Variants in NRF1 observed in about 807,000 individuals in gnomAD.
The protein encoded by NRF1 is alpha palindromic-binding protein.
In NRF1, 5 loss-of-function variants were observed where a neutral mutation model predicts 58.5. The observed-to-expected ratio is 0.09, with a 90% CI of 0.04 to 0.18. The LOEUF is 0.18. Among genes scored for constraint, NRF1 ranks in the 10% least tolerant of loss-of-function variants. The probability of loss-of-function intolerance (pLI) is 1.00; values close to 1 mark genes in which losing one functional copy is unlikely to be tolerated. For missense variants in NRF1, 288 were observed against 657.7 expected (o/e 0.44, Z 6.15); for synonymous variants, 224 against 246.7 (o/e 0.91, Z 0.86).
chr7:129,623,724 G>T (rs1800855499), intron 1 of NRF1, among the ~76,000 whole-genome samples: 1 of 152,118 alleles, frequency 6.6e-6, no homozygotes, highest in South Asian at 2.1e-4. Context: ...ACTGCATTTA[G>T]TATCTAAACT....
chr7:129,727,689 C>T lies in NRF1; in HGVS notation c.1348+324C>T, dbSNP rs142229251. Among the ~76,000 whole-genome samples the T allele has an allele frequency of 5.4e-3, 825 of 152,304 alleles. 10 individuals carry two copies. Among genetic ancestry groups the T allele is most frequent in the African/African-American group, 0.019 (770 of 41,574 alleles). On this transcript the variant is annotated intron_variant, in intron 10 of 10. Coordinates refer to ENST00000393232, the MANE Select transcript of NRF1 (RefSeq NM_005011.5). ...CACATTTTGTCTTTTACTGTCTCATCGGATAGGGTAGATCAATGTCCTTTA... is the reference window on the plus strand; with the variant it reads ...CACATTTTGTCTTTTACTGTCTCATTGGATAGGGTAGATCAATGTCCTTTA...
chr7:129,641,264 G>A (rs1162685276), intron 1 of NRF1, among the ~76,000 whole-genome samples: 1 of 151,984 alleles, frequency 6.6e-6, no homozygotes, highest in Non-Finnish European at 1.5e-5. Context: ...GTCATTATTT[G>A]ATATTTATAT....
chr7:129,695,586 A>AC (rs972923982), intron 5 of NRF1, among the ~76,000 whole-genome samples: 4 of 150,722 alleles, frequency 2.7e-5, no homozygotes, highest in African/African-American at 4.9e-5. Flanking sequence ...AAAAAAAAAA[A>AC]AACAAAAAAA....
At chr7:129,649,535 A>G (rs1801487951) in intron 1 of NRF1, among the ~76,000 whole-genome samples, 1 of 152,174 alleles carries the variant, frequency 6.6e-6, no homozygotes, top group South Asian at 2.1e-4. Flanking sequence ...ATTAGACTAA[A>G]TTTAACTCCC....
At chr7:129,673,839 A>T (rs112845921) in intron 3 of NRF1, among the ~76,000 whole-genome samples, 94 of 151,474 alleles carry the variant, frequency 6.2e-4, no homozygotes, top group African/African-American at 2.0e-3. Context: ...TTAAAAAAAA[A>T]TTTTTTTAAG....
At chr7:129,654,080 A>C (rs1801598226) in intron 1 of NRF1, among the ~76,000 whole-genome samples, 1 of 152,224 alleles carries the variant, frequency 6.6e-6, no homozygotes, top group Admixed American at 6.5e-5. Context: ...ACTATGTTGC[A>C]TTCCCACCAG....
intron 4 of NRF1, among the ~76,000 whole-genome samples, chr7:129,683,842 A>G (rs761693352): frequency 2.2e-4 from 34 of 151,832 alleles, no homozygotes; most frequent in Non-Finnish European, 4.4e-4. Context: ...CATGTTGGCC[A>G]GGCTGGTCTT....
At chr7:129,746,420 C>T (rs553978682) in intron 10 of NRF1, among the ~76,000 whole-genome samples, 1 of 152,294 alleles carries the variant, frequency 6.6e-6, no homozygotes, top group East Asian at 1.9e-4. Context: ...GCCTGCTAGA[C>T]TAGCTTCTTT....
chr7:129,612,305 C>T (rs1485829676), intron 1 of NRF1, among the ~76,000 whole-genome samples: 1 of 143,824 alleles, frequency 7.0e-6, no homozygotes, highest in African/African-American at 2.6e-5. Context: ...CGCGGGCGGG[C>T]GGGCGGGCGG....
intron 2 of NRF1, among the ~76,000 whole-genome samples, chr7:129,658,198 A>G (rs556755132): frequency 6.6e-6 from 1 of 151,904 alleles, no homozygotes; most frequent in East Asian, 1.9e-4. Flanking sequence ...GTGATTGAAA[A>G]TTTTGTATTT....
At position 129,619,433 on chromosome 7, in the gene NRF1, TACAC is replaced by T. The variant is rs754223551; in HGVS notation, c.-7+7621_-7+7624del. ...ATATATATATATATATATATATATA[TACAC>T]ACACACACACATATATATACACGTG... On this transcript the variant is annotated intron_variant, in intron 1 of 10. Transcript: ENST00000393232. Among the ~76,000 whole-genome samples the T allele has an allele frequency of 7.6e-5, 5 of 65,874 alleles. 1 individual carries two copies. Among genetic ancestry groups the T allele is most frequent in the African/African-American group, 3.3e-4 (4 of 12,146 alleles). The allele number at this position is 65,874 out of a possible 152,430, so 43.2% of individuals were successfully genotyped here. A position where few individuals can be genotyped will look rare whatever the true frequency, so the allele number is the denominator to read the frequency against.
intron 5 of NRF1, among the ~76,000 whole-genome samples, chr7:129,693,298 C>G (rs1004874135): frequency 6.6e-6 from 1 of 152,168 alleles, no homozygotes; most frequent in Admixed American, 6.6e-5. Context: ...GAACCAGCAA[C>G]TTGGTCTGAA....
At chr7:129,743,313 C>T (rs1364384597) in intron 10 of NRF1, among the ~76,000 whole-genome samples, 11 of 152,202 alleles carry the variant, frequency 7.2e-5, no homozygotes, top group Admixed American at 7.2e-4. Context: ...CAGTCCTTTT[C>T]TCATTAAATG....
At chr7:129,754,198 C>T (rs777038873) in intron 10 of NRF1, among the ~76,000 whole-genome samples, 20 of 151,846 alleles carry the variant, frequency 1.3e-4, no homozygotes, top group South Asian at 2.1e-4. Context: ...TGGTGGTTCA[C>T]GCCTGTAATC....
chr7:129,715,638 A>C (rs1584666410), intron 8 of NRF1, among the ~76,000 whole-genome samples: 1 of 152,360 alleles, frequency 6.6e-6, no homozygotes, highest in East Asian at 1.9e-4. Flanking sequence ...ATAGTATATA[A>C]GGATATTCAT....
At chr7:129,703,316 A>G (rs79726244) in intron 5 of NRF1, among the ~76,000 whole-genome samples, 116 of 152,316 alleles carry the variant, frequency 7.6e-4, no homozygotes, top group African/African-American at 2.7e-3. Context: ...CTGAGAGGTT[A>G]GGCTTTAGCT....
At position 129,756,747 on chromosome 7, in the gene NRF1, T is replaced by A. The variant is rs938347962; in HGVS notation, c.*1566T>A. 1 of 152,630 alleles carries A rather than the reference T, an allele frequency of 6.6e-6. No individual in the cohort carries two copies. Among genetic ancestry groups the A allele is most frequent in the Non-Finnish European group, 1.5e-5 (1 of 68,040 alleles). 9.5% of individuals were successfully genotyped at this position (152,630 alleles called of 1,614,324 possible). On this transcript the variant is annotated 3_prime_UTR_variant, in exon 11 of 11. Coordinates refer to ENST00000393232, the MANE Select transcript of NRF1 (RefSeq NM_005011.5). Reference sequence around the variant, plus strand: ...TCAACCTTTGAGAGAAGTTTCAGATTCTTGTATTTGCTTGTTTTATATAAA... The same window carrying A: ...TCAACCTTTGAGAGAAGTTTCAGATACTTGTATTTGCTTGTTTTATATAAA...
intron 1 of NRF1, among the ~76,000 whole-genome samples, chr7:129,614,417 AATAATTTTCTT>A (rs1286118910): frequency 6.7e-6 from 1 of 148,770 alleles, no homozygotes; most frequent in Non-Finnish European, 1.5e-5. Context: ...CGCCTGGCCC[AATAATTTTCTT>A]ATAAAAATAT....
At chr7:129,739,309 A>G (rs1430329772) in intron 10 of NRF1, among the ~76,000 whole-genome samples, 1 of 152,250 alleles carries the variant, frequency 6.6e-6, no homozygotes, top group Non-Finnish European at 1.5e-5. Flanking sequence ...TCACATTTAA[A>G]TGTAAACAGG....
Sources: allele counts gnomAD v4.1 joint callset (sites outside exome capture counted in the v4.1 genomes callset), GRCh38; gene constraint gnomAD v4.1.1; transcripts MANE v1.5; gene names NCBI Gene and HGNC (gene_info 2026-07-23, HGNC 2026-07-21).